Variants in KPNB1 observed in about 807,000 individuals in gnomAD.
KPNB1 encodes the protein importin subunit beta-1.
KPNB1 carries 7 observed loss-of-function variants against 113.0 expected under a neutral mutation model. The observed-to-expected ratio is 0.06, with a 90% CI of 0.04 to 0.12. The LOEUF is 0.12. Ranked by LOEUF, KPNB1 falls within the 10% of genes least tolerant of loss-of-function variation. The probability of loss-of-function intolerance (pLI) is 1.00; values close to 1 mark genes in which losing one functional copy is unlikely to be tolerated. For missense variants in KPNB1, 400 were observed against 1,054.8 expected, an observed-to-expected ratio of 0.38 and a Z score of 8.60; for synonymous variants, 363 against 378.6, an observed-to-expected ratio of 0.96 and a Z score of 0.48.
chr17:47,664,735 TAAA>T lies in KPNB1; in HGVS notation c.898-319_898-317del, dbSNP rs2030213663. Among the ~76,000 whole-genome samples, 3 of 152,134 alleles carry T rather than the reference TAAA, an allele frequency of 2.0e-5. No homozygotes were observed. The South Asian group carries it at 6.2e-4, about 32-fold the overall frequency. On this transcript the variant is annotated intron_variant, in intron 8 of 21. Transcript: ENST00000290158. Reference sequence around the variant, plus strand: ...ACACACTTTTATTTCAGGACAAAAATAAAAAGGTTTTTTTTGGCATCTTTAGGC... The same window carrying T: ...ACACACTTTTATTTCAGGACAAAAATAAGGTTTTTTTTGGCATCTTTAGGC...
At chr17:47,676,345 A>G (rs2030614476) in intron 15 of KPNB1, 64 bp from the exon 16 acceptor site, 8 of 1,194,084 alleles carry the variant, frequency 6.7e-6, no homozygotes, top group Non-Finnish European at 1.0e-5. Flanking sequence ...AGGATGGGTT[A>G]TTTCTGCCTG....
intron 9 of KPNB1, among the ~76,000 whole-genome samples, chr17:47,666,742 C>T (rs1698611669): frequency 6.6e-6 from 1 of 151,652 alleles, no homozygotes; most frequent in African/African-American, 2.4e-5. Context: ...CCTCAGCCTC[C>T]TGAGTAGCTG....
At chr17:47,651,510 C>T (rs1435026572) in intron 2 of KPNB1, 2 of 237,550 alleles carry the variant, frequency 8.4e-6, no homozygotes, top group Non-Finnish European at 1.4e-5. Context: ...TGTTGTTTTT[C>T]ATATGTGCCA....
intron 18 of KPNB1, 23 bp from the exon 19 acceptor site, chr17:47,678,285 G>A: frequency 1.2e-6 from 2 of 1,610,434 alleles, no homozygotes; most frequent in African/African-American, 1.3e-5. Flanking sequence ...TGTGATGTAG[G>A]TTCTGTTCTT....
Position 47,684,839 on chromosome 17 carries a change from CTT to C in KPNB1, c.*2438_*2439del, listed in dbSNP as rs1327515358. ...CACTGGTTATGCATTTAATTCTCCT[CTT>C]TTCTAGTTAACCTTTTGCCAGTGGG... On this transcript the variant is annotated 3_prime_UTR_variant, in exon 22 of 22. Coordinates refer to ENST00000290158, the MANE Select transcript of KPNB1 (RefSeq NM_002265.6). The C allele has an allele frequency of 3.3e-5, 5 of 152,670 alleles. No homozygotes were observed. The highest frequency in any genetic ancestry group is 1.2e-4 in the African/African-American group (5 of 41,446). The allele number at this position is 152,670 out of a possible 1,614,324, so 9.5% of individuals were successfully genotyped here.
At chr17:47,659,693 T>C (rs2030031056) in intron 5 of KPNB1, among the ~76,000 whole-genome samples, 1 of 152,082 alleles carries the variant, frequency 6.6e-6, no homozygotes, top group African/African-American at 2.4e-5. Flanking sequence ...ATGAAATAAA[T>C]AAAAATTATA....
chr17:47,650,587 C>CGGTCCAACCT, intron 2 of KPNB1, 143 bp downstream of exon 2: 2 of 754,480 alleles, frequency 2.7e-6, no homozygotes, highest in Non-Finnish European at 2.2e-6. Context: ...CCCCCCAACC[C>CGGTCCAACCT]GGTCCAACCT....
At chr17:47,666,394 T>TTGTGTGTG (rs140549997) in intron 9 of KPNB1, among the ~76,000 whole-genome samples, 4,006 of 139,622 alleles carry the variant, frequency 0.029, 103 homozygotes, top group Admixed American at 0.075. Context: ...GTCTTTACTT[T>TTGTGTGTG]TGTGTGTGTG....
chr17:47,680,539 C>G lies in KPNB1; in HGVS notation c.2500C>G (p.Leu834Val). The change falls in exon 21 of 22, where the codon CTG becomes GTG. Residue 834 changes from leucine (L) to valine (V), a missense_variant. Transcript: ENST00000290158. ...ATGTACAGCATTTGGGAAGGATGTA[C>G]TGAAATTAGTAGAAGCTAGGCCAAT... ...DLCTAFGKDV[L>V]KLVEARPMIH... The G allele has an allele frequency of 1.9e-6, 3 of 1,614,174 alleles. No individual in the cohort carries two copies. The highest frequency in any genetic ancestry group is 2.5e-6 in the Non-Finnish European group (3 of 1,180,016).
At chr17:47,681,244 TTTTTC>T (rs1310449658) in intron 21 of KPNB1, among the ~76,000 whole-genome samples, 8 of 151,486 alleles carry the variant, frequency 5.3e-5, no homozygotes, top group East Asian at 1.9e-4. Context: ...TAATTTTCTT[TTTTTC>T]TTTTCTTTTC....
intron 2 of KPNB1, chr17:47,651,316 C>G: frequency 5.1e-6 from 5 of 985,376 alleles, no homozygotes; most frequent in Non-Finnish European, 6.0e-6. Flanking sequence ...TGGTGTCCAT[C>G]TCCTGTTGGG....
chr17:47,673,754 A>C (rs2030517689), intron 14 of KPNB1, 193 bp downstream of exon 14: 1 of 584,446 alleles, frequency 1.7e-6, no homozygotes, highest in Non-Finnish European at 3.1e-6. Context: ...GTCTGTCTAG[A>C]AAGATTCAAA....
At chr17:47,680,173 C>A (rs368068714) in intron 20 of KPNB1, 39 bp downstream of exon 20, 2 of 1,355,420 alleles carry the variant, frequency 1.5e-6, no homozygotes, top group South Asian at 2.4e-5. Context: ...AATAGAACTT[C>A]TCACAGAAAA....
chr17:47,680,702 T>A, intron 21 of KPNB1, 33 bp downstream of exon 21: 1 of 1,599,008 alleles, frequency 6.3e-7, no homozygotes, highest in Non-Finnish European at 8.5e-7. Context: ...CTCTTTCTTC[T>A]ACTTCCTGGA....
At chr17:47,656,663 GA>G (rs1048180960) in intron 3 of KPNB1, among the ~76,000 whole-genome samples, 196 bp from the exon 4 acceptor site, 21 of 151,860 alleles carry the variant, frequency 1.4e-4, no homozygotes, top group Non-Finnish European at 4.4e-5. Context: ...CGGGAGGATA[GA>G]TTGCACCGTA....
At chr17:47,651,284 A>T in intron 2 of KPNB1, 1 of 985,192 alleles carries the variant, frequency 1.0e-6, no homozygotes, top group Non-Finnish European at 1.2e-6. Context: ...GAAACAGCCT[A>T]GATGCCAGTT....
intron 2 of KPNB1, among the ~76,000 whole-genome samples, chr17:47,650,997 T>A (rs1158160310): frequency 6.6e-6 from 1 of 152,122 alleles, no homozygotes; most frequent in African/African-American, 2.4e-5. Flanking sequence ...CTGATATTTT[T>A]CCCTCTTTGC....
At chr17:47,665,293 A>G in intron 9 of KPNB1, 135 bp downstream of exon 9, 2 of 683,306 alleles carry the variant, frequency 2.9e-6, no homozygotes, top group Non-Finnish European at 5.1e-6. Context: ...AGAAACAGCT[A>G]AGCTGCATCT....
Position 47,665,151 on chromosome 17 carries a change from C to T in KPNB1, c.992C>T (p.Thr331Ile). 6.2e-7 allele frequency: 1 copy of T among 1,611,264 alleles called. No homozygotes were observed. The highest frequency in any genetic ancestry group is 1.1e-5 in the South Asian group (1 of 91,038). ...YLVPILTQTLTKQDENDDDDD... is the reference protein window; with the variant it reads ...YLVPILTQTLIKQDENDDDDD... ...GTTCCAATCCTCACACAGACACTAA[C>T]TAAACAGGTGAGTTACCTTCCAAAT... Residue 331 changes from threonine to isoleucine, a missense_variant, in exon 9 of 22, where the codon ACT becomes ATT. By Grantham distance (89) the Thr-to-Ile change is moderately conservative. Transcript: ENST00000290158.
Sources: gnomAD v4.1 joint callset for allele counts (sites outside exome capture counted in the v4.1 genomes callset) on GRCh38, gnomAD v4.1.1 for gene constraint, MANE v1.5 for transcripts, NCBI Gene and HGNC (gene_info 2026-07-23, HGNC 2026-07-21) for gene names.